Variants in TRPM8 observed in about 807,000 individuals in gnomAD.
TRPM8 encodes transient receptor potential cation channel subfamily M member 8.
A neutral mutation model predicts 133.7 loss-of-function variants in TRPM8; 110 were observed. The observed-to-expected ratio is 0.82, with a 90% CI of 0.70 to 0.96. The LOEUF (loss-of-function observed/expected upper bound fraction) is 0.96. TRPM8 is among the 40% of genes least tolerant of loss of function. The pLI, the probability that TRPM8 is intolerant of heterozygous loss-of-function variation, is 0.00. For synonymous variants in TRPM8, 535 were observed against 532.3 expected (o/e 1.01, Z -0.07); for missense variants, 1,291 against 1,379.5 (o/e 0.94, Z 1.02).
At chr2:233,983,353 T>A in intron 20 of TRPM8, 129 bp downstream of exon 20, 1 of 1,034,952 alleles carries the variant, frequency 9.7e-7, no homozygotes. Flanking sequence ...CATAACAGAG[T>A]AAAAACTCAC....
chr2:233,956,901 G>A (rs146889730), intron 11 of TRPM8, among the ~76,000 whole-genome samples: 198 of 152,318 alleles, frequency 1.3e-3, no homozygotes, highest in Non-Finnish European at 2.0e-3. Flanking sequence ...TGTGTGAAAT[G>A]TTCTATTTAA....
chr2:234,008,214 C>T (rs1692744473), intron 24 of TRPM8, 111 bp downstream of exon 24: 1 of 1,068,238 alleles, frequency 9.4e-7, no homozygotes, highest in African/African-American at 1.6e-5. Context: ...ATTCAGCTTT[C>T]TTAATTCACT....
intron 4 of TRPM8, among the ~76,000 whole-genome samples, chr2:233,937,809 T>C (rs1307016117): frequency 1.3e-5 from 2 of 152,074 alleles, no homozygotes; most frequent in Non-Finnish European, 2.9e-5. Flanking sequence ...GCCCCATGAA[T>C]GCTTTTGTGA....
At position 233,961,108 on chromosome 2, in the gene TRPM8, T is replaced by C. The variant is rs745365572; in HGVS notation, c.1653+42T>C. 8 of 1,588,030 alleles carry C rather than the reference T, an allele frequency of 5.0e-6. No individual in the cohort carries two copies. In the African/African-American group the frequency reaches 6.7e-5, roughly 13 times the overall value. ...TTGCCTGCTTGAGTTCTCGGATATT[T>C]TGAGGCTTCCCTCATAAGATATCTC... On this transcript the variant is annotated intron_variant, in intron 12 of 25. Coordinates refer to ENST00000324695, the MANE Select transcript of TRPM8 (RefSeq NM_024080.5).
intron 23 of TRPM8, among the ~76,000 whole-genome samples, chr2:234,007,315 T>C (rs975187146): frequency 4.6e-5 from 7 of 152,184 alleles, no homozygotes; most frequent in Non-Finnish European, 7.3e-5. Context: ...TGGCATTATC[T>C]TGCAAGTGCC....
intron 22 of TRPM8, among the ~76,000 whole-genome samples, chr2:234,003,216 G>A (rs1444388011): frequency 1.3e-5 from 2 of 152,040 alleles, no homozygotes; most frequent in Admixed American, 6.6e-5. Flanking sequence ...ATGTATTCAC[G>A]ACCCCGAACT....
intron 1 of TRPM8, among the ~76,000 whole-genome samples, chr2:233,925,248 CTTT>C (rs1461435638): frequency 1.3e-3 from 205 of 152,330 alleles, no homozygotes; most frequent in Admixed American, 0.013. Flanking sequence ...TGCAGATCTC[CTTT>C]ATGCACTGTG....
chr2:234,007,966 T>G, intron 23 of TRPM8, 104 bp from the exon 24 acceptor site: 1 of 1,124,884 alleles, frequency 8.9e-7, no homozygotes, highest in East Asian at 2.4e-5. Context: ...GAAAATGACT[T>G]GTATTCTGTA....
chr2:233,964,066 A>C (rs558922384), intron 13 of TRPM8, among the ~76,000 whole-genome samples: 4 of 152,296 alleles, frequency 2.6e-5, no homozygotes, highest in Admixed American at 2.6e-4. Context: ...GTTCATTAAA[A>C]ATTTTACTTT....
chr2:233,983,303 A>G, intron 20 of TRPM8, 79 bp downstream of exon 20: 1 of 1,550,000 alleles, frequency 6.5e-7, no homozygotes, highest in Admixed American at 1.7e-5. Flanking sequence ...GCTGCCCCGG[A>G]GACCGCACTT....
intron 9 of TRPM8, among the ~76,000 whole-genome samples, chr2:233,952,843 T>C (rs1691202042): frequency 6.6e-6 from 1 of 152,040 alleles, no homozygotes; most frequent in Non-Finnish European, 1.5e-5. Flanking sequence ...TTCCTTTTTA[T>C]TTCAAAGGAA....
rs112907432 is a variant in TRPM8, at chr2:233,969,323, CAA to C, written c.2026-359_2026-358del. Among the ~76,000 whole-genome samples, 421 of 135,074 alleles carry C rather than the reference CAA, an allele frequency of 3.1e-3. 2 individuals are homozygous for C. The highest frequency in any genetic ancestry group is 0.01 in the African/African-American group (393 of 38,080). The allele number at this position is 135,074 out of a possible 152,430, so 88.6% of individuals were successfully genotyped here. ...AGAAATCCCGTCACTACCAAAAATA[CAA>C]AAAAAAAAAAAATTAGACAGGAATG... On this transcript the variant is annotated intron_variant, in intron 15 of 25. Coordinates refer to ENST00000324695, the MANE Select transcript of TRPM8 (RefSeq NM_024080.5).
At chr2:233,977,847 G>A (rs747335396) in intron 17 of TRPM8, among the ~76,000 whole-genome samples, 2 of 152,128 alleles carry the variant, frequency 1.3e-5, no homozygotes, top group African/African-American at 2.4e-5. Context: ...TAGCTATATG[G>A]CAAGATGTAT....
Position 234,018,975 on chromosome 2 carries a change from G to T in TRPM8, c.*1719G>T, listed in dbSNP as rs1295285795. On this transcript the variant is annotated 3_prime_UTR_variant, in exon 26 of 26. Transcript: ENST00000324695. ...TTTCTCTGGAAGTGGTCGTATTTGAGCAGGATGTGCACAAGGCAATTGAAA... is the reference window on the plus strand; with the variant it reads ...TTTCTCTGGAAGTGGTCGTATTTGATCAGGATGTGCACAAGGCAATTGAAA... The T allele has an allele frequency of 1.3e-5, 2 of 152,142 alleles. No homozygotes were observed. The highest frequency in any genetic ancestry group is 4.8e-5 in the African/African-American group (2 of 41,434). 9.4% of individuals were successfully genotyped at this position (152,142 alleles called of 1,614,324 possible).
intron 8 of TRPM8, 132 bp from the exon 9 acceptor site, chr2:233,949,817 A>G: frequency 1.4e-6 from 1 of 696,434 alleles, no homozygotes; most frequent in Non-Finnish European, 2.4e-6. Flanking sequence ...CTGATTTAAA[A>G]TAAAAGCCCC....
intron 1 of TRPM8, among the ~76,000 whole-genome samples, chr2:233,919,268 T>C (rs1391111070): frequency 1.3e-5 from 2 of 152,184 alleles, no homozygotes; most frequent in African/African-American, 2.4e-5. Flanking sequence ...CTAGACTATT[T>C]AAAATTATTC....
chr2:233,984,742 T>C (rs1176017267), intron 20 of TRPM8, among the ~76,000 whole-genome samples: 18 of 152,154 alleles, frequency 1.2e-4, no homozygotes. Context: ...GATGTGTCAT[T>C]CCTCTGCTTA....
chr2:233,921,459 CA>C (rs1181927458), intron 1 of TRPM8, among the ~76,000 whole-genome samples: 3 of 151,940 alleles, frequency 2.0e-5, no homozygotes, highest in Non-Finnish European at 4.4e-5. Context: ...CTAAAATAAT[CA>C]AAAGGCTCAG....
intron 17 of TRPM8, among the ~76,000 whole-genome samples, chr2:233,973,109 C>T (rs552987535): frequency 6.6e-6 from 1 of 152,230 alleles, no homozygotes; most frequent in Non-Finnish European, 1.5e-5. Context: ...ATTCTTGCCC[C>T]AGGACGGGGC....
Sources: allele counts gnomAD v4.1 joint callset (sites outside exome capture counted in the v4.1 genomes callset), GRCh38; gene constraint gnomAD v4.1.1; transcripts MANE v1.5; gene names NCBI Gene and HGNC (gene_info 2026-07-23, HGNC 2026-07-21).